FANCG: variants seen among roughly 807,000 people sequenced by gnomAD.
The protein encoded by FANCG is FA complementation group G.
FANCG carries 67 observed loss-of-function variants against 73.3 expected under a neutral mutation model. The observed-to-expected ratio is 0.91, with a 90% CI of 0.75 to 1.12. FANCG has a LOEUF of 1.12. Among genes scored for constraint, FANCG ranks in the 50% most tolerant of loss-of-function variants. The pLI is 0.00. For missense variants in FANCG, 643 were observed against 735.6 expected (o/e 0.87, Z 1.46); for synonymous variants, 297 against 311.6 (o/e 0.95, Z 0.49).
At chr9:35,078,058 ACAT>A in intron 4 of FANCG, 80 bp downstream of exon 4, 1 of 1,347,348 alleles carries the variant, frequency 7.4e-7, no homozygotes, top group South Asian at 1.2e-5. Flanking sequence ...CCTGTCCAGT[ACAT>A]GATGATGCTA....
At position 35,075,740 on chromosome 9, in the gene FANCG, GGGGGGT is replaced by G; in HGVS notation, c.1152_1157del (p.Pro385_Pro386del). 5 of 588,194 alleles carry G rather than the reference GGGGGGT, an allele frequency of 8.5e-6. No homozygotes were observed. The highest frequency in any genetic ancestry group is 1.6e-5 in the Non-Finnish European group (5 of 319,618). 36.4% of individuals were successfully genotyped at this position (588,194 alleles called of 1,614,324 possible). The stretch of plus-strand genomic sequence containing the variant: ...CAGGCATACAGGGCCCTGGAGGGGA[GGGGGGT>G]GGGGAGAACTGGAGTGGGAAGAAGA... On this transcript the variant is annotated inframe_deletion, in exon 10 of 14. Transcript: ENST00000378643.
rs2131052991 is a variant in FANCG, at chr9:35,075,021, T to C, written c.1542A>G (p.Ala514=). The C allele has an allele frequency of 6.2e-7, 1 of 1,614,242 alleles. No homozygotes were observed. Among genetic ancestry groups the C allele is most frequent in the Non-Finnish European group, 8.5e-7 (1 of 1,180,048 alleles). ...CCAGTCCACGACTAATTAGGGCGGC[T>C]GCCCGAAGCTGCTGCAGTGCCGCAT... ...KSDAALQQLR[A]AALISRGLEW... The change falls in exon 12 of 14, where the codon GCA becomes GCG. Residue 514 remains alanine, a synonymous_variant. Coordinates refer to ENST00000378643, the MANE Select transcript of FANCG (RefSeq NM_004629.2).
rs754214890 is a variant in FANCG, at chr9:35,079,258, G to A, written c.85-17C>T. On this transcript the variant is annotated splice_polypyrimidine_tract_variant and intron_variant, in intron 1 of 13. Transcript: ENST00000378643. ...CTGAGCCACCTGCCACATGAGGGAG[G>A]GGTTGTCACTGAGGATCAATCCTTT... The A allele has an allele frequency of 6.2e-7, 1 of 1,601,874 alleles. No homozygotes were observed. The highest frequency in any genetic ancestry group is 1.1e-5 in the South Asian group (1 of 89,860).
Position 35,079,260 on chromosome 9 carries a change from G to T in FANCG, c.85-19C>A. 3 of 1,600,208 alleles carry T rather than the reference G, an allele frequency of 1.9e-6. No homozygotes were observed. Among genetic ancestry groups the T allele is most frequent in the Non-Finnish European group, 1.7e-6 (2 of 1,171,694 alleles). ...GAGCCACCTGCCACATGAGGGAGGG[G>T]TTGTCACTGAGGATCAATCCTTTTT... On this transcript the variant is annotated intron_variant, in intron 1 of 13. Transcript: ENST00000378643.
In FANCG at chr9:35,079,149, A is replaced by C; in HGVS notation, c.175+2T>G. ...TGACCATCCTGGGGAGGACCCGCCT[A>C]CCTTGCAGACTATGGAGGAGCCCTC... On this transcript the variant is annotated splice_donor_variant, in intron 2 of 13. Transcript: ENST00000378643. LOFTEE classifies it high-confidence loss of function. 1 of 1,605,512 alleles carries C rather than the reference A, an allele frequency of 6.2e-7. No individual in the cohort carries two copies.
rs1382724792 is a variant in FANCG, at chr9:35,077,284, G to C, written c.626C>G (p.Thr209Arg). 3 of 1,614,224 alleles carry C rather than the reference G, an allele frequency of 1.9e-6. No homozygotes were observed. The highest frequency in any genetic ancestry group is 2.7e-5 in the African/African-American group (2 of 75,050). The stretch of plus-strand genomic sequence containing the variant: ...CTGACCTTGGCGGTAGGCAAATGCT[G>C]TCAGGAGGACATCCTTCAATCCCTG... The part of the protein sequence containing the change: ...DAQGLKDVLL[T>R]AFAYRQGLQE... Residue 209 changes from threonine to arginine, a missense_variant, in exon 5 of 14, where the codon ACA (threonine) becomes AGA (arginine). Transcript: ENST00000378643.
intron 5 of FANCG, 27 bp downstream of exon 5, chr9:35,077,237 A>G: frequency 6.2e-7 from 1 of 1,614,208 alleles, no homozygotes; most frequent in Non-Finnish European, 8.5e-7. Context: ...TTAAAGGTAG[A>G]AGAGATGAGT....
chr9:35,077,104 G>A lies in FANCG; in HGVS notation c.647-3C>T, dbSNP rs1311964497. The A allele has an allele frequency of 1.2e-6, 2 of 1,614,198 alleles. No individual in the cohort carries two copies. The highest frequency in any genetic ancestry group is 1.7e-6 in the Non-Finnish European group (2 of 1,180,034). ...CCCTGTGATCAGCTCCTGGAGACCT[G>A]AGGACAGTCAGGGTGTGAGCTTGGA... On this transcript the variant is annotated splice_region_variant and splice_polypyrimidine_tract_variant and intron_variant, in intron 5 of 13. Coordinates refer to ENST00000378643, the MANE Select transcript of FANCG (RefSeq NM_004629.2).
intron 8 of FANCG, 145 bp downstream of exon 8, chr9:35,076,287 G>A (rs961079075): frequency 2.1e-6 from 2 of 957,566 alleles, no homozygotes; most frequent in African/African-American, 3.2e-5. Flanking sequence ...AGGTCTAGAA[G>A]CAAGGTAAGA....
chr9:35,077,016 C>A lies in FANCG; in HGVS notation c.732G>T (p.Val244=), dbSNP rs1312446984. Residue 244 remains valine, a synonymous_variant, in exon 6 of 14, where the codon GTG becomes GTT. Transcript: ENST00000378643. ...CCAGTGCTGTGTACACCTGGACCAA[C>A]ACAGGCCGTGGACACAGGCCTGAGG... ...EAASGLCPRP[V]LVQVYTALGS... is the part of the protein sequence containing the mutation. 1.2e-6 allele frequency: 2 copies of A among 1,614,222 alleles called. No homozygotes were observed. The highest frequency in any genetic ancestry group is 8.5e-7 in the Non-Finnish European group (1 of 1,180,034).
At chr9:35,078,005 A>T in intron 4 of FANCG, 136 bp downstream of exon 4, 1 of 833,232 alleles carries the variant, frequency 1.2e-6, no homozygotes, top group South Asian at 1.4e-5. Context: ...GTCACCCAAG[A>T]GTCCCAGAGA....
At chr9:35,075,218 G>T in intron 11 of FANCG, 61 bp downstream of exon 11, 2 of 1,606,662 alleles carry the variant, frequency 1.2e-6, no homozygotes, top group Non-Finnish European at 1.7e-6. Flanking sequence ...ACATTAAAGG[G>T]AACCCACTTC....
intron 6 of FANCG, 31 bp from the exon 7 acceptor site, chr9:35,076,901 T>C: frequency 1.9e-6 from 3 of 1,614,222 alleles, no homozygotes; most frequent in South Asian, 1.1e-5. Context: ...GGGCCTCAGC[T>C]ACCCTTACAA....
chr9:35,078,590 A>G lies in FANCG; in HGVS notation c.307+15T>C. 6.2e-7 allele frequency: 1 copy of G among 1,614,090 alleles called. No homozygotes were observed. The highest frequency in any genetic ancestry group is 8.5e-7 in the Non-Finnish European group (1 of 1,180,006). On this transcript the variant is annotated intron_variant, in intron 3 of 13. Coordinates refer to ENST00000378643, the MANE Select transcript of FANCG (RefSeq NM_004629.2). Reference sequence around the variant, plus strand: ...GAAGATGGCAGGGGAATCAGGGACAATCTCTGGCCCTCACCTCTCTCTAGG... The same window carrying G: ...GAAGATGGCAGGGGAATCAGGGACAGTCTCTGGCCCTCACCTCTCTCTAGG...
chr9:35,079,320 CCA>C (rs1438533536), intron 1 of FANCG, 79 bp from the exon 2 acceptor site: 2 of 1,542,106 alleles, frequency 1.3e-6, no homozygotes, highest in Admixed American at 1.7e-5. Context: ...GATGCATTCT[CCA>C]GTCATTTCTG....
intron 4 of FANCG, chr9:35,077,939 AT>A (rs1289878835): frequency 1.6e-6 from 1 of 614,042 alleles, no homozygotes; most frequent in Admixed American, 2.6e-5. Context: ...TGCCTGTCCA[AT>A]TTTTAAAAAA....
At chr9:35,078,098 A>T (rs773430910) in intron 4 of FANCG, 43 bp downstream of exon 4, 4 of 1,557,190 alleles carry the variant, frequency 2.6e-6, no homozygotes, top group Non-Finnish European at 3.5e-6. Flanking sequence ...AGGAGGAGGA[A>T]GGAAGGAGGA....
At chr9:35,075,167 T>C in intron 11 of FANCG, 85 bp from the exon 12 acceptor site, 1 of 1,607,942 alleles carries the variant, frequency 6.2e-7, no homozygotes, top group Non-Finnish European at 8.5e-7. Context: ...TCTTCTTGTG[T>C]CCACAGTCCC....
chr9:35,074,664 C>T (rs2131052369), intron 12 of FANCG, 170 bp from the exon 13 acceptor site: 1 of 959,796 alleles, frequency 1.0e-6, no homozygotes, highest in Non-Finnish European at 1.6e-6. Flanking sequence ...CCATCATCTG[C>T]CCCCTACTCC....
Sources: gnomAD v4.1 joint callset for allele counts on GRCh38, gnomAD v4.1.1 for gene constraint, MANE v1.5 for transcripts, NCBI Gene and HGNC (gene_info 2026-07-23, HGNC 2026-07-21) for gene names.